The following SNTB1 variants were observed in gnomAD, a reference collection of about 807,000 sequenced individuals.
SNTB1 encodes the protein beta-1-syntrophin.
SNTB1 carries 36 observed loss-of-function variants against 48.9 expected under a neutral mutation model. That is an observed-to-expected ratio of 0.74 (90% CI 0.56 to 0.97). The LOEUF is 0.97. Ranked by LOEUF, SNTB1 falls within the 50% of genes least tolerant of loss-of-function variation. The pLI, the probability that SNTB1 is intolerant of heterozygous loss-of-function variation, is 0.00. For missense variants in SNTB1, 786 were observed against 703.4 expected, an observed-to-expected ratio of 1.12 and a Z score of -1.33; for synonymous variants, 299 against 294.6, an observed-to-expected ratio of 1.01 and a Z score of -0.15.
chr8:120,734,326 A>T lies in SNTB1; in HGVS notation c.572-40418T>A, dbSNP rs531011476. 5.7e-3 allele frequency among the ~76,000 whole-genome samples: 861 copies of T among 152,146 alleles called. 7 individuals are homozygous for T. Among genetic ancestry groups the T allele is most frequent in the South Asian group, 0.019 (89 of 4,804 alleles). On this transcript the variant is annotated intron_variant, in intron 1 of 6. Coordinates refer to ENST00000517992, the MANE Select transcript of SNTB1 (RefSeq NM_021021.4). ...GCCAGGCATGGTGGCAGGCACCTGT[A>T]ATCCCAGCTACTCAGGAAGCTGAGG... is the stretch of plus-strand genomic sequence containing the variant.
chr8:120,649,687 G>C (rs1817372789), intron 2 of SNTB1, among the ~76,000 whole-genome samples: 1 of 151,656 alleles, frequency 6.6e-6, no homozygotes, highest in Non-Finnish European at 1.5e-5. Context: ...AGCTGTGGTG[G>C]GCTCCACCCA....
chr8:120,811,351 C>A lies in SNTB1; in HGVS notation c.493G>T (p.Gly165Ter), dbSNP rs200089872. 6 of 1,613,370 alleles carry A rather than the reference C, an allele frequency of 3.7e-6. No homozygotes were observed. Among genetic ancestry groups the A allele is most frequent in the Non-Finnish European group, 5.1e-6 (6 of 1,179,910 alleles). The stretch of plus-strand genomic sequence containing the variant: ...TGGGTGGCGTCCCGCAGGTCGGCTC[C>A]GTTCACGGACAGGATGGCGTCGCCC... Reference protein sequence around the residue: ...YVGDAILSVNGADLRDATHDE... With the variant: ...YVGDAILSVN The change falls in exon 1 of 7, where the codon GGA (glycine) becomes TGA (stop). Residue 165 changes from glycine to a stop codon, truncating the protein, a stop_gained. Transcript: ENST00000517992. LOFTEE classifies it high-confidence loss of function.
intron 1 of SNTB1, among the ~76,000 whole-genome samples, chr8:120,753,859 G>A (rs1419475651): frequency 6.6e-6 from 1 of 152,172 alleles, no homozygotes; most frequent in Non-Finnish European, 1.5e-5. Flanking sequence ...AAAAATTTGT[G>A]TATACAATGA....
At chr8:120,671,316 G>T (rs1176019614) in intron 2 of SNTB1, among the ~76,000 whole-genome samples, 3 of 152,162 alleles carry the variant, frequency 2.0e-5, no homozygotes, top group Non-Finnish European at 4.4e-5. Context: ...TTGGAAAAAA[G>T]ATCTTTGCAA....
At chr8:120,609,374 C>T (rs1816581178) in intron 3 of SNTB1, among the ~76,000 whole-genome samples, 1 of 152,144 alleles carries the variant, frequency 6.6e-6, no homozygotes, top group Non-Finnish European at 1.5e-5. Flanking sequence ...TAGAGTTTTT[C>T]TTTCATTGTC....
intron 1 of SNTB1, among the ~76,000 whole-genome samples, chr8:120,800,181 G>A (rs1236450851): frequency 6.6e-6 from 1 of 152,056 alleles, no homozygotes; most frequent in Non-Finnish European, 1.5e-5. Flanking sequence ...TAGGTTAAGA[G>A]TCATGGCTTT....
At chr8:120,568,104 A>G (rs1345035123) in intron 4 of SNTB1, among the ~76,000 whole-genome samples, 1 of 152,136 alleles carries the variant, frequency 6.6e-6, no homozygotes, top group Non-Finnish European at 1.5e-5. Context: ...TGCTGGGGTA[A>G]CCTCTGCAAT....
At chr8:120,786,351 A>G (rs1042229337) in intron 1 of SNTB1, among the ~76,000 whole-genome samples, 7 of 152,188 alleles carry the variant, frequency 4.6e-5, no homozygotes, top group African/African-American at 9.6e-5. Flanking sequence ...CAGCAGAGAT[A>G]CAGGTGCAGT....
At position 120,650,028 on chromosome 8, in the gene SNTB1, G is replaced by A. The variant is rs1488206935; in HGVS notation, c.789-17377C>T. Among the ~76,000 whole-genome samples, 10 of 152,164 alleles carry A rather than the reference G, an allele frequency of 6.6e-5. No individual in the cohort carries two copies. In the East Asian group the frequency reaches 7.8e-4, roughly 12 times the overall value. On this transcript the variant is annotated intron_variant, in intron 2 of 6. Transcript: ENST00000517992. ...GCAATGCCTCGCCCTGCTTCGGCTC[G>A]CGCACGGTGCACGCACCCACTGACC...
intron 2 of SNTB1, among the ~76,000 whole-genome samples, chr8:120,680,932 C>G (rs6986798): frequency 0.56 from 85,446 of 151,914 alleles, 27,304 homozygotes; most frequent in African/African-American, 0.89. Flanking sequence ...ATAAAGAGCT[C>G]TGTATTGATG....
At chr8:120,550,143 A>C (rs1159116476) in intron 4 of SNTB1, among the ~76,000 whole-genome samples, 1 of 152,170 alleles carries the variant, frequency 6.6e-6, no homozygotes, top group Non-Finnish European at 1.5e-5. Context: ...AACTTGGAGG[A>C]GCTTTCTTTT....
chr8:120,626,210 T>A (rs1241224615), intron 3 of SNTB1, among the ~76,000 whole-genome samples: 1 of 152,088 alleles, frequency 6.6e-6, no homozygotes, highest in Non-Finnish European at 1.5e-5. Context: ...GACTATAGTA[T>A]GTATATATAT....
At chr8:120,710,639 T>C (rs533992900) in intron 1 of SNTB1, among the ~76,000 whole-genome samples, 3 of 152,250 alleles carry the variant, frequency 2.0e-5, no homozygotes, top group Admixed American at 1.3e-4. Context: ...GGAACTAGCT[T>C]AGGCCCTTTT....
chr8:120,628,312 T>C (rs927075637), intron 3 of SNTB1, among the ~76,000 whole-genome samples: 7 of 152,198 alleles, frequency 4.6e-5, no homozygotes, highest in African/African-American at 1.7e-4. Flanking sequence ...TTTTCTCTTA[T>C]CTGAAACGTA....
At chr8:120,804,673 C>T (rs1022393384) in intron 1 of SNTB1, among the ~76,000 whole-genome samples, 1 of 152,144 alleles carries the variant, frequency 6.6e-6, no homozygotes, top group African/African-American at 2.4e-5. Flanking sequence ...ATGACATTTC[C>T]CTGCTTAAAA....
chr8:120,685,944 C>A (rs1307466633), intron 2 of SNTB1, among the ~76,000 whole-genome samples: 2 of 152,190 alleles, frequency 1.3e-5, no homozygotes, highest in East Asian at 3.8e-4. Context: ...TAGCAAAGTT[C>A]TTTGCCACTT....
At chr8:120,780,186 AT>A (rs2130127029) in intron 1 of SNTB1, among the ~76,000 whole-genome samples, 1 of 152,274 alleles carries the variant, frequency 6.6e-6, no homozygotes, top group South Asian at 2.1e-4. Context: ...GAGGGCTGGT[AT>A]GCAGCAGAAA....
At position 120,538,624 on chromosome 8, in the gene SNTB1, C is replaced by T; in HGVS notation, c.*253G>A. ...CAAAGCTATGCTGTGTATTTCCCGT[C>T]ACCTCACCTCTTTAACCTTGTACTG... On this transcript the variant is annotated 3_prime_UTR_variant, in exon 7 of 7. Transcript: ENST00000517992. 1.8e-6 allele frequency: 1 copy of T among 562,086 alleles called. No individual in the cohort carries two copies. The highest frequency in any genetic ancestry group is 3.4e-6 in the Non-Finnish European group (1 of 294,238). The allele number at this position is 562,086 out of a possible 1,614,324, so 34.8% of individuals were successfully genotyped here. A position where few individuals can be genotyped will look rare whatever the true frequency, so the allele number is the denominator to read the frequency against.
At chr8:120,666,159 A>G (rs1401416101) in intron 2 of SNTB1, among the ~76,000 whole-genome samples, 1 of 152,232 alleles carries the variant, frequency 6.6e-6, no homozygotes, top group South Asian at 2.1e-4. Context: ...AAGTGTTACC[A>G]TCGTAACATT....
Sources: allele counts gnomAD v4.1 joint callset (sites outside exome capture counted in the v4.1 genomes callset), GRCh38; gene constraint gnomAD v4.1.1; transcripts MANE v1.5; gene names NCBI Gene and HGNC (gene_info 2026-07-23, HGNC 2026-07-21).